The following LARGE1 variants were observed in gnomAD, a reference collection of about 807,000 sequenced individuals.
LARGE1 encodes the protein LARGE xylosyl- and glucuronyltransferase 1.
LARGE1 carries 43 observed loss-of-function variants against 87.6 expected under a neutral mutation model. The observed-to-expected ratio is 0.49, with a 90% confidence interval of 0.38 to 0.63. LARGE1 has a LOEUF of 0.63. LARGE1 is among the 30% of genes least tolerant of loss of function. The pLI is 0.00. For missense variants in LARGE1, 802 were observed against 1,000.2 expected, an observed-to-expected ratio of 0.80 and a Z score of 2.67; for synonymous variants, 434 against 394.6, an observed-to-expected ratio of 1.10 and a Z score of -1.18.
intron 1 of LARGE1, among the ~76,000 whole-genome samples, chr22:33,828,728 G>C (rs1449262043): frequency 6.6e-6 from 1 of 152,156 alleles, no homozygotes; most frequent in Non-Finnish European, 1.5e-5. Context: ...CTTCAGTAAA[G>C]AATTACTAAA....
At chr22:33,303,232 G>A (rs1368870255) in intron 12 of LARGE1, among the ~76,000 whole-genome samples, 1 of 152,120 alleles carries the variant, frequency 6.6e-6, no homozygotes, top group African/African-American at 2.4e-5. Flanking sequence ...CCCATGATGT[G>A]GGGGGAGCTG....
intron 2 of LARGE1, among the ~76,000 whole-genome samples, chr22:33,654,529 T>C (rs2080907025): frequency 6.6e-6 from 1 of 152,188 alleles, no homozygotes; most frequent in Non-Finnish European, 1.5e-5. Context: ...TCCTGACTTT[T>C]GCTTTTATTC....
chr22:33,373,126 A>G (rs577829677), intron 9 of LARGE1, among the ~76,000 whole-genome samples: 20 of 152,332 alleles, frequency 1.3e-4, no homozygotes, highest in Middle Eastern at 3.4e-3. Flanking sequence ...ATAAATTTAT[A>G]AAAGAAATTG....
At chr22:33,369,602 T>C (rs1200566416) in intron 9 of LARGE1, among the ~76,000 whole-genome samples, 1 of 152,224 alleles carries the variant, frequency 6.6e-6, no homozygotes, top group Admixed American at 6.5e-5. Flanking sequence ...TCTTGCTCTA[T>C]AGCCCAGACT....
chr22:33,544,798 G>A (rs1041896078), intron 6 of LARGE1, among the ~76,000 whole-genome samples: 19 of 152,120 alleles, frequency 1.2e-4, no homozygotes, highest in Admixed American at 1.2e-3. Context: ...TCACAAATCT[G>A]CCCTAAACCA....
At chr22:33,884,243 C>A (rs1490948357) in intron 1 of LARGE1, among the ~76,000 whole-genome samples, 1 of 152,228 alleles carries the variant, frequency 6.6e-6, no homozygotes, top group Admixed American at 6.5e-5. Flanking sequence ...CGAATCATTA[C>A]TGCAGCTGTC....
chr22:33,415,102 A>G (rs1237698830), intron 7 of LARGE1, among the ~76,000 whole-genome samples: 2 of 152,178 alleles, frequency 1.3e-5, no homozygotes, highest in Non-Finnish European at 2.9e-5. Flanking sequence ...AGGATGCATG[A>G]GCAATAAAGG....
rs137983347 is a variant in LARGE1 at position 33,894,683 on chromosome 22, C to G, written c.-83+25312G>C. On this transcript the variant is annotated intron_variant, in intron 1 of 14. Transcript: ENST00000397394. ...AGGGCTTTGGAGTTCTCATCCTTGT[C>G]TGGACCCATATCTGGTCCAAGGTCA... Among the ~76,000 whole-genome samples, 504 of 152,176 alleles carry G rather than the reference C, an allele frequency of 3.3e-3. 2 individuals carry two copies. The highest frequency in any genetic ancestry group is 5.8e-3 in the Non-Finnish European group (393 of 68,004).
intron 4 of LARGE1, among the ~76,000 whole-genome samples, chr22:33,607,048 T>C (rs2079284477): frequency 6.6e-6 from 1 of 152,094 alleles, no homozygotes; most frequent in African/African-American, 2.4e-5. Flanking sequence ...GCACAGTGCC[T>C]AGAAGAGAGT....
rs748137716 is a variant in LARGE1 at position 33,844,722 on chromosome 22, CTT to C, written c.-83+75271_-83+75272del. ...ATAAAATAAGAGTGTGGTTTCCAAA[CTT>C]TTTTTTTTTTTTTGAGACGGAGTTT... On this transcript the variant is annotated intron_variant, in intron 1 of 14. Transcript: ENST00000397394. 9.9e-3 allele frequency among the ~76,000 whole-genome samples: 1,413 copies of C among 142,270 alleles called. 18 individuals carry two copies. The highest frequency in any genetic ancestry group is 0.033 in the African/African-American group (1,275 of 39,046). 93.3% of individuals were successfully genotyped at this position (142,270 alleles called of 152,430 possible).
chr22:33,455,553 G>A (rs567780091), intron 6 of LARGE1, among the ~76,000 whole-genome samples: 1 of 152,170 alleles, frequency 6.6e-6, no homozygotes, highest in East Asian at 1.9e-4. Context: ...AGAAGTTCAA[G>A]ACCAGCATGG....
chr22:33,848,532 C>A (rs1246473269), intron 1 of LARGE1, among the ~76,000 whole-genome samples: 1 of 152,066 alleles, frequency 6.6e-6, no homozygotes, highest in Non-Finnish European at 1.5e-5. Context: ...AGGAGCCCAC[C>A]CCAGCCTGAC....
intron 2 of LARGE1, among the ~76,000 whole-genome samples, chr22:33,752,802 C>T (rs2084370451): frequency 6.6e-6 from 1 of 152,238 alleles, no homozygotes; most frequent in African/African-American, 2.4e-5. Context: ...AAGATGTCCA[C>T]ATCCTAATCC....
intron 11 of LARGE1, among the ~76,000 whole-genome samples, chr22:33,247,731 T>C (rs1471573387): frequency 2.6e-5 from 4 of 152,210 alleles, no homozygotes; most frequent in African/African-American, 9.6e-5. Flanking sequence ...AATCTTCCAA[T>C]ATTGATGGGA....
At chr22:33,759,702 T>C (rs1425593724) in intron 2 of LARGE1, among the ~76,000 whole-genome samples, 2 of 152,202 alleles carry the variant, frequency 1.3e-5, no homozygotes, top group African/African-American at 2.4e-5. Flanking sequence ...GTTCTACTTA[T>C]TAAACCTATA....
intron 7 of LARGE1, among the ~76,000 whole-genome samples, chr22:33,401,571 T>C (rs958537103): frequency 6.6e-6 from 1 of 152,212 alleles, no homozygotes; most frequent in African/African-American, 2.4e-5. Flanking sequence ...GTAGCTGGTA[T>C]ATAGCCTGTG....
chr22:33,122,919 T>A, the LARGE1 span, among the ~76,000 whole-genome samples: 2 of 152,186 alleles, frequency 1.3e-5, no homozygotes, highest in Non-Finnish European at 2.9e-5. Flanking sequence ...ACCCTACTGC[T>A]GGTGGTACTG....
intron 6 of LARGE1, among the ~76,000 whole-genome samples, chr22:33,532,706 C>T (rs1391804883): frequency 3.9e-5 from 6 of 152,216 alleles, no homozygotes; most frequent in Admixed American, 2.0e-4. Context: ...ATTTCTAAGA[C>T]GTAACATTCA....
At chr22:33,559,670 C>T (rs2077796518) in intron 6 of LARGE1, among the ~76,000 whole-genome samples, 1 of 152,194 alleles carries the variant, frequency 6.6e-6, no homozygotes, top group Non-Finnish European at 1.5e-5. Flanking sequence ...CACAAACCTT[C>T]AGGCCACAGC....
Sources: gnomAD v4.1 joint callset for allele counts (sites outside exome capture counted in the v4.1 genomes callset) on GRCh38, gnomAD v4.1.1 for gene constraint, MANE v1.5 for transcripts, NCBI Gene and HGNC (gene_info 2026-07-23, HGNC 2026-07-21) for gene names.